The following MSRB3 variants were observed in gnomAD, a reference collection of about 807,000 sequenced individuals.
MSRB3 encodes methionine-R-sulfoxide reductase B3.
In MSRB3, 13 loss-of-function variants were observed where a neutral mutation model predicts 21.0. The ratio of observed to expected loss-of-function variants is 0.62; its 90% CI spans 0.40 to 0.98. The LOEUF (loss-of-function observed/expected upper bound fraction) is 0.98, where lower values mean the gene tolerates loss of function less well. MSRB3 is among the 50% of genes least tolerant of loss of function. MSRB3 has a pLI of 0.00. For synonymous variants in MSRB3, 87 were observed against 88.6 expected (o/e 0.98, Z 0.10); for missense variants, 199 against 230.3 (o/e 0.86, Z 0.88).
chr12:65,441,939 A>G (rs554992051), intron 5 of MSRB3, among the ~76,000 whole-genome samples: 5 of 152,034 alleles, frequency 3.3e-5, no homozygotes, highest in Non-Finnish European at 1.5e-5. Flanking sequence ...CTAAGTAATT[A>G]TTTTGTCCTA....
intron 2 of MSRB3, among the ~76,000 whole-genome samples, chr12:65,320,902 C>A (rs746241314): frequency 6.6e-6 from 1 of 152,144 alleles, no homozygotes; most frequent in Admixed American, 6.5e-5. Flanking sequence ...TCTGTCTCTG[C>A]CACTGGAATA....
At chr12:65,300,730 A>T (rs376006194) in intron 1 of MSRB3, among the ~76,000 whole-genome samples, 1 of 152,192 alleles carries the variant, frequency 6.6e-6, no homozygotes, top group Non-Finnish European at 1.5e-5. Flanking sequence ...TGTGGTTCAG[A>T]TGGGAGCTCT....
chr12:65,451,730 G>C (rs777029944), intron 5 of MSRB3, among the ~76,000 whole-genome samples: 3 of 152,182 alleles, frequency 2.0e-5, no homozygotes, highest in Non-Finnish European at 4.4e-5. Context: ...TGAGAAACTA[G>C]CATTGATATT....
At position 65,308,837 on chromosome 12, in the gene MSRB3, C is replaced by G. The variant is rs559106256; in HGVS notation, c.76+182C>G. On this transcript the variant is annotated intron_variant, in intron 2 of 6. Transcript: ENST00000308259. ...TTGAGTAACATTCATTTCCACAATCCTTACAACCCTTGGAACATTGTCCAG... is the reference window on the plus strand; with the variant it reads ...TTGAGTAACATTCATTTCCACAATCGTTACAACCCTTGGAACATTGTCCAG... 2.8e-5 allele frequency: 21 copies of G among 751,794 alleles called. No homozygotes were observed. In the South Asian group the frequency reaches 3.2e-4, roughly 12 times the overall value. The allele number at this position is 751,794 out of a possible 1,614,324, so 46.6% of individuals were successfully genotyped here.
chr12:65,329,158 A>G (rs1181070175), intron 4 of MSRB3, among the ~76,000 whole-genome samples: 2 of 152,250 alleles, frequency 1.3e-5, no homozygotes, highest in African/African-American at 2.4e-5. Flanking sequence ...ACAGTTTACC[A>G]TAAAACAGGC....
intron 4 of MSRB3, among the ~76,000 whole-genome samples, chr12:65,356,412 T>C (rs1210609671): frequency 6.6e-6 from 1 of 151,918 alleles, no homozygotes; most frequent in Non-Finnish European, 1.5e-5. Flanking sequence ...ATAACAGTGC[T>C]GCTTAAAAAC....
chr12:65,336,885 A>T (rs1243686838), intron 4 of MSRB3, among the ~76,000 whole-genome samples: 1 of 152,240 alleles, frequency 6.6e-6, no homozygotes, highest in Non-Finnish European at 1.5e-5. Context: ...AACCCATCAC[A>T]TAACATTGTC....
intron 3 of MSRB3, among the ~76,000 whole-genome samples, chr12:65,327,565 T>C (rs904193646): frequency 6.6e-5 from 10 of 152,242 alleles, no homozygotes. Context: ...TGATTCCAGC[T>C]CAAAGGTAAC....
chr12:65,387,922 G>T (rs547172869), intron 5 of MSRB3, among the ~76,000 whole-genome samples: 3 of 152,008 alleles, frequency 2.0e-5, no homozygotes, highest in South Asian at 4.2e-4. Context: ...TTTACTTAGG[G>T]TTTATACTAA....
chr12:65,322,869 T>G (rs1874776295), intron 2 of MSRB3, among the ~76,000 whole-genome samples: 1 of 152,104 alleles, frequency 6.6e-6, no homozygotes, highest in African/African-American at 2.4e-5. Flanking sequence ...AATGTATTTA[T>G]GTGAAAGTGC....
chr12:65,389,692 C>G (rs958839481), intron 5 of MSRB3, among the ~76,000 whole-genome samples: 2 of 152,166 alleles, frequency 1.3e-5, no homozygotes, highest in African/African-American at 4.8e-5. Context: ...CCATCCTAGA[C>G]TCTATGGTGA....
intron 1 of MSRB3, among the ~76,000 whole-genome samples, chr12:65,292,490 C>G (rs907936392): frequency 2.0e-5 from 3 of 152,160 alleles, no homozygotes; most frequent in African/African-American, 7.2e-5. Context: ...TCCTTGACCT[C>G]TCCTTTTTTT....
At chr12:65,389,200 A>T (rs1038401078) in intron 5 of MSRB3, among the ~76,000 whole-genome samples, 26 of 152,114 alleles carry the variant, frequency 1.7e-4, no homozygotes, top group African/African-American at 5.8e-4. Flanking sequence ...ATTACCCCAT[A>T]GCTTCCTATG....
Position 65,326,846 on chromosome 12 carries a change from AACTG to A in MSRB3, c.98_101del (p.Asn33IlefsTer10). ...TTCAGGGTCGTGTAGGGATAAAAAG[AACTG>A]TAAGGTGGTCTTTTCCCAGCAGGAA... On this transcript the variant is annotated frameshift_variant, in exon 3 of 7. Coordinates refer to ENST00000308259, the MANE Select transcript of MSRB3 (RefSeq NM_001031679.3). LOFTEE classifies it high-confidence loss of function. The A allele has an allele frequency of 6.2e-7, 1 of 1,608,600 alleles. No homozygotes were observed. The highest frequency in any genetic ancestry group is 8.5e-7 in the Non-Finnish European group (1 of 1,177,582).
In MSRB3 at chr12:65,291,651, G is replaced by C. The variant is rs376039431; in HGVS notation, c.-52+12786G>C. Among the ~76,000 whole-genome samples the C allele has an allele frequency of 2.6e-5, 4 of 152,250 alleles. No individual in the cohort carries two copies. The East Asian group carries it at 5.8e-4, about 22-fold the overall frequency. On this transcript the variant is annotated intron_variant, in intron 1 of 6. Transcript: ENST00000308259. ...CTTATCTAATCTGAGGTTACAGTAT[G>C]GACCAGAGAAACACAGGACCTCATT...
At chr12:65,354,449 C>G (rs1877254326) in intron 4 of MSRB3, among the ~76,000 whole-genome samples, 1 of 151,902 alleles carries the variant, frequency 6.6e-6, no homozygotes, top group African/African-American at 2.4e-5. Context: ...CTCTAAACTT[C>G]TCTTCTTGCT....
intron 5 of MSRB3, among the ~76,000 whole-genome samples, chr12:65,422,482 T>C (rs1881377413): frequency 6.8e-6 from 1 of 146,150 alleles, no homozygotes; most frequent in African/African-American, 2.5e-5. Context: ...AGGCATACAA[T>C]GTGTGATAAT....
rs939147878 is a variant in MSRB3, at chr12:65,465,426, A to G, written c.*2104A>G. 5 of 152,226 alleles carry G rather than the reference A, an allele frequency of 3.3e-5. No homozygotes were observed. The highest frequency in any genetic ancestry group is 1.3e-4 in the Admixed American group (2 of 15,278). 9.4% of individuals were successfully genotyped at this position (152,226 alleles called of 1,614,324 possible). The stretch of plus-strand genomic sequence containing the variant: ...AAGACTGACAGCTTTCCTTGTAAGC[A>G]CTAAGAGAAAAAAAAGAAAGAGGGA... On this transcript the variant is annotated 3_prime_UTR_variant, in exon 7 of 7. Coordinates refer to ENST00000308259, the MANE Select transcript of MSRB3 (RefSeq NM_001031679.3).
intron 1 of MSRB3, among the ~76,000 whole-genome samples, chr12:65,304,349 C>G (rs531118549): frequency 1.9e-4 from 29 of 152,316 alleles, no homozygotes; most frequent in Admixed American, 5.2e-4. Flanking sequence ...ATTATGGAAT[C>G]TAATTCTGTT....
Sources: gnomAD v4.1 joint callset for allele counts (sites outside exome capture counted in the v4.1 genomes callset) on GRCh38, gnomAD v4.1.1 for gene constraint, MANE v1.5 for transcripts, NCBI Gene and HGNC (gene_info 2026-07-23, HGNC 2026-07-21) for gene names.